The following PCNT variants were observed in gnomAD, a reference collection of about 807,000 sequenced individuals.
PCNT encodes pericentrin.
A neutral mutation model predicts 380.4 loss-of-function variants in PCNT; 319 were observed. The observed-to-expected ratio is 0.84, with a 90% confidence interval of 0.77 to 0.92. The LOEUF (loss-of-function observed/expected upper bound fraction) is 0.92. Ranked by LOEUF, PCNT falls within the 40% of genes least tolerant of loss-of-function variation. The pLI is 0.00. For synonymous variants in PCNT, 1,845 were observed against 1,735.2 expected (o/e 1.06, Z -1.57); for missense variants, 4,400 against 4,255.3 (o/e 1.03, Z -0.95).
chr21:46,404,210 C>T (rs994706467), intron 27 of PCNT, among the ~76,000 whole-genome samples: 2 of 152,252 alleles, frequency 1.3e-5, no homozygotes, highest in African/African-American at 4.8e-5. Flanking sequence ...TGAGTGAACA[C>T]AGCGTGGGAG....
At chr21:46,330,925 A>C (rs2083539377) in intron 2 of PCNT, among the ~76,000 whole-genome samples, 1 of 152,180 alleles carries the variant, frequency 6.6e-6, no homozygotes, top group African/African-American at 2.4e-5. Context: ...AACATAATGA[A>C]AGGTGCATTT....
chr21:46,360,349 G>A (rs1051918271), intron 13 of PCNT, among the ~76,000 whole-genome samples: 47 of 142,642 alleles, frequency 3.3e-4, no homozygotes, highest in Non-Finnish European at 6.3e-4. Flanking sequence ...CAGCCTCTCC[G>A]AGTAGCTGGG....
chr21:46,401,666 G>C lies in PCNT; in HGVS notation c.4907G>C (p.Gly1636Ala), dbSNP rs1306411785. ...CCTCCTTCGGGCAGCCCTCCTGAGG[G>C]TCCAGAAATACAGTTAGAGGTGACA... ...PEPPSGSPPE[G>A]PEIQLEVTQR... Residue 1636 changes from glycine to alanine, a missense_variant, in exon 26 of 47, where the codon GGT becomes GCT. By Grantham distance (60) the Gly-to-Ala change is moderately conservative. Transcript: ENST00000359568. 1.9e-6 allele frequency: 3 copies of C among 1,614,082 alleles called. No homozygotes were observed. The highest frequency in any genetic ancestry group is 1.3e-5 in the African/African-American group (1 of 75,028).
At position 46,411,572 on chromosome 21, in the gene PCNT, A is replaced by G; in HGVS notation, c.5499A>G (p.Leu1833=). The G allele has an allele frequency of 3.1e-6, 5 of 1,612,768 alleles. No homozygotes were observed. Among genetic ancestry groups the G allele is most frequent in the Non-Finnish European group, 4.2e-6 (5 of 1,179,734 alleles). Reference sequence around the variant, plus strand: ...AGGGCGCAGAGGAGGCTGCGGAGCTACAGCTGGCTGAGCTGGAGCGCAATG... The same window carrying G: ...AGGGCGCAGAGGAGGCTGCGGAGCTGCAGCTGGCTGAGCTGGAGCGCAATG... ...RLQGAEEAAE[L]QLAELERNVA... Residue 1833 remains leucine, a synonymous_variant, in exon 28 of 47, where the codon CTA becomes CTG. Transcript: ENST00000359568.
In PCNT at chr21:46,363,525, G is replaced by C; in HGVS notation, c.2200G>C (p.Ala734Pro). 6.2e-7 allele frequency: 1 copy of C among 1,614,068 alleles called. No individual in the cohort carries two copies. Residue 734 changes from alanine to proline, a missense_variant, in exon 14 of 47, where the codon GCT becomes CCT. Ala to Pro is a conservative substitution (Grantham distance 27, BLOSUM62 -1). Coordinates refer to ENST00000359568, the MANE Select transcript of PCNT (RefSeq NM_006031.6). ...IEDHQKELNN[A>P]KQKTELMKQE... ...AGACCACCAGAAGGAACTAAATAAT[G>C]CTAAGCAAAAGACTGAGCTGATGAA...
At chr21:46,369,178 C>G (rs2146957436) in intron 15 of PCNT, among the ~76,000 whole-genome samples, 1 of 152,366 alleles carries the variant, frequency 6.6e-6, no homozygotes, top group African/African-American at 2.4e-5. Flanking sequence ...TGTCTCAGGC[C>G]TCTGTGTCCT....
chr21:46,383,499 G>C (rs1424344772), intron 16 of PCNT, among the ~76,000 whole-genome samples: 3 of 143,794 alleles, frequency 2.1e-5, no homozygotes, highest in Non-Finnish European at 4.6e-5. Context: ...AGTGGCGGAA[G>C]CGCATTCACC....
At chr21:46,346,496 G>T (rs574953825) in intron 4 of PCNT, among the ~76,000 whole-genome samples, 1 of 152,198 alleles carries the variant, frequency 6.6e-6, no homozygotes, top group Non-Finnish European at 1.5e-5. Flanking sequence ...ACACAGTGCC[G>T]TCATACAGCG....
At chr21:46,371,398 G>A (rs2085123498) in intron 15 of PCNT, among the ~76,000 whole-genome samples, 1 of 152,042 alleles carries the variant, frequency 6.6e-6, no homozygotes, top group Non-Finnish European at 1.5e-5. Context: ...TTGTCTCCCA[G>A]GCTGGTCTTG....
At chr21:46,324,342 G>C in intron 1 of PCNT, 60 bp downstream of exon 1, 1 of 1,385,762 alleles carries the variant, frequency 7.2e-7, no homozygotes, top group Non-Finnish European at 1.0e-6. Flanking sequence ...GGCGGCTCCG[G>C]TGCCCGCCAC....
At chr21:46,377,717 G>A (rs1287785765) in intron 15 of PCNT, among the ~76,000 whole-genome samples, 6 of 152,040 alleles carry the variant, frequency 3.9e-5, no homozygotes, top group Admixed American at 1.3e-4. Flanking sequence ...GCATGTTGGC[G>A]TGCCCATATA....
At chr21:46,415,365 ATTTTTTTTTTTT>A (rs35983555) in intron 29 of PCNT, among the ~76,000 whole-genome samples, 11 of 65,286 alleles carry the variant, frequency 1.7e-4, no homozygotes, top group Non-Finnish European at 2.6e-4. Context: ...GTTTCTTTGA[ATTTTTTTTTTTT>A]TTTTTTTTTT....
Position 46,416,903 on chromosome 21 carries a change from G to A in PCNT, c.6921+64G>A, listed in dbSNP as rs1478102545. 1.2e-5 allele frequency: 18 copies of A among 1,520,386 alleles called. 1 individual carries two copies. Among genetic ancestry groups the A allele is most frequent in the East Asian group, 2.4e-5 (1 of 42,348 alleles). The allele number at this position is 1,520,386 out of a possible 1,614,324, so 94.2% of individuals were successfully genotyped here. ...GGGAATGTGGTCTGCCCGGCGCCAC[G>A]GCAGCTGCCATTGTTTGTTCACCTC... On this transcript the variant is annotated intron_variant, in intron 30 of 46. Coordinates refer to ENST00000359568, the MANE Select transcript of PCNT (RefSeq NM_006031.6).
intron 11 of PCNT, among the ~76,000 whole-genome samples, chr21:46,354,419 G>C (rs2084398385): frequency 1.3e-5 from 2 of 152,232 alleles, no homozygotes; most frequent in Non-Finnish European, 2.9e-5. Context: ...CGGAGCGTCT[G>C]CTGGCTTTTG....
rs972307266 is a variant in PCNT at position 46,328,720 on chromosome 21, C to T, written c.267+2131C>T. ...AAGCAATCCACCCACCTTGGCCTCC[C>T]AAAGTGCTGGGATTACAGGCGTGAG... On this transcript the variant is annotated intron_variant, in intron 2 of 46. Coordinates refer to ENST00000359568, the MANE Select transcript of PCNT (RefSeq NM_006031.6). Among the ~76,000 whole-genome samples the T allele has an allele frequency of 2.0e-5, 3 of 151,876 alleles. No individual in the cohort carries two copies. In the East Asian group the frequency reaches 5.8e-4, roughly 29 times the overall value.
intron 2 of PCNT, among the ~76,000 whole-genome samples, chr21:46,327,785 G>A (rs1043308241): frequency 1.3e-5 from 2 of 152,174 alleles, no homozygotes; most frequent in African/African-American, 2.4e-5. Flanking sequence ...TTTACTAAAC[G>A]TGAGATGAAG....
chr21:46,403,721 C>A (rs551201136), intron 27 of PCNT, among the ~76,000 whole-genome samples: 1 of 134,018 alleles, frequency 7.5e-6, no homozygotes, highest in Non-Finnish European at 1.5e-5. Flanking sequence ...ATGAACACAG[C>A]GTGGGAGAAT....
intron 37 of PCNT, 86 bp from the exon 38 acceptor site, chr21:46,431,443 G>A: frequency 6.2e-7 from 1 of 1,609,630 alleles, no homozygotes; most frequent in Admixed American, 1.7e-5. Context: ...CTGGGCTAAA[G>A]TATATAAACA....
At chr21:46,381,648 A>G (rs1450561714) in intron 15 of PCNT, 46 bp from the exon 16 acceptor site, 1 of 1,575,532 alleles carries the variant, frequency 6.3e-7, no homozygotes, top group Non-Finnish European at 8.7e-7. Flanking sequence ...CAAAGAAAGT[A>G]TTTTTCTAGC....
Sources: gnomAD v4.1 joint callset for allele counts (sites outside exome capture counted in the v4.1 genomes callset) on GRCh38, gnomAD v4.1.1 for gene constraint, MANE v1.5 for transcripts, NCBI Gene and HGNC (gene_info 2026-07-23, HGNC 2026-07-21) for gene names.